CDC73: variants seen among roughly 807,000 people sequenced by gnomAD.
The protein encoded by CDC73 is cell division cycle 73.
A neutral mutation model predicts 83.7 loss-of-function variants in CDC73; 21 were observed. The ratio of observed to expected loss-of-function variants is 0.25; its 90% CI spans 0.18 to 0.36. CDC73 has a LOEUF of 0.36. Among genes scored for constraint, CDC73 ranks in the 10% least tolerant of loss-of-function variants. The pLI is 1.00. For synonymous variants in CDC73, 224 were observed against 212.9 expected (o/e 1.05, Z -0.45); for missense variants, 342 against 653.3 (o/e 0.52, Z 5.19).
At chr1:193,197,085 C>CT (rs1363735934) in intron 10 of CDC73, among the ~76,000 whole-genome samples, 1 of 152,054 alleles carries the variant, frequency 6.6e-6, no homozygotes, top group Non-Finnish European at 1.5e-5. Flanking sequence ...TCATATGTAT[C>CT]TTTATTATGT....
At chr1:193,154,731 G>T (rs1000147035) in intron 10 of CDC73, among the ~76,000 whole-genome samples, 2 of 152,152 alleles carry the variant, frequency 1.3e-5, no homozygotes, top group African/African-American at 4.8e-5. Flanking sequence ...GAAGTTCTCA[G>T]ATAATTATTT....
chr1:193,192,394 G>T (rs1676934055), intron 10 of CDC73, among the ~76,000 whole-genome samples: 1 of 152,190 alleles, frequency 6.6e-6, no homozygotes, highest in Non-Finnish European at 1.5e-5. Context: ...AGTGAGCCGA[G>T]ATCGCGCCAC....
At chr1:193,231,968 G>T (rs985629876) in intron 13 of CDC73, among the ~76,000 whole-genome samples, 3 of 152,064 alleles carry the variant, frequency 2.0e-5, no homozygotes, top group Admixed American at 2.0e-4. Flanking sequence ...GGACTGTTAG[G>T]ATTATGTATA....
Position 193,201,460 on chromosome 1 carries a change from A to C in CDC73, c.973-2335A>C, listed in dbSNP as rs182841785. On this transcript the variant is annotated intron_variant, in intron 10 of 16. Transcript: ENST00000367435. The stretch of plus-strand genomic sequence containing the variant: ...AAGGGTCATCATCATCAGTGATTTT[A>C]GGCTTATTTCCTTGTAGCTAGTGGT... Among the ~76,000 whole-genome samples, 67 of 152,328 alleles carry C rather than the reference A, an allele frequency of 4.4e-4. No individual in the cohort carries two copies. The East Asian group carries it at 0.013, about 28-fold the overall frequency.
chr1:193,131,930 A>T lies in CDC73; in HGVS notation c.307+1687A>T, dbSNP rs556653409. Reference sequence around the variant, plus strand: ...ATCTCATACATTGACCTGAAATTATATATCTGTTTATGTACATAGTGTCTG... The same window carrying T: ...ATCTCATACATTGACCTGAAATTATTTATCTGTTTATGTACATAGTGTCTG... On this transcript the variant is annotated intron_variant, in intron 3 of 16. Coordinates refer to ENST00000367435, the MANE Select transcript of CDC73 (RefSeq NM_024529.5). Among the ~76,000 whole-genome samples the T allele has an allele frequency of 1.0e-3, 155 of 152,332 alleles. No individual in the cohort carries two copies. In the Middle Eastern group the frequency reaches 0.014, roughly 13 times the overall value.
intron 7 of CDC73, among the ~76,000 whole-genome samples, chr1:193,146,055 G>T (rs1675995067): frequency 6.6e-6 from 1 of 152,178 alleles, no homozygotes; most frequent in Admixed American, 6.5e-5. Context: ...GGTGAGAGGG[G>T]TAAGGTGGGA....
chr1:193,181,471 A>G (rs1016983211), intron 10 of CDC73: 1 of 1,614,078 alleles, frequency 6.2e-7, no homozygotes, highest in Non-Finnish European at 8.5e-7. Flanking sequence ...CACTAGAGAA[A>G]GTACTCCAAT....
chr1:193,154,243 A>T (rs1676169271), intron 10 of CDC73, among the ~76,000 whole-genome samples: 1 of 152,056 alleles, frequency 6.6e-6, no homozygotes, highest in African/African-American at 2.4e-5. Flanking sequence ...GTTTTTTGTT[A>T]TTTTTGTGAT....
At chr1:193,201,782 G>C (rs994258966) in intron 10 of CDC73, among the ~76,000 whole-genome samples, 1 of 152,018 alleles carries the variant, frequency 6.6e-6, no homozygotes, top group African/African-American at 2.4e-5. Context: ...CCTTTTGCCT[G>C]ACCCATGTTG....
At chr1:193,122,555 A>G (rs1403889438) in intron 1 of CDC73, 3 of 531,132 alleles carry the variant, frequency 5.6e-6, no homozygotes. Flanking sequence ...AGAAGCCCAA[A>G]GGAAAGGTAC....
At chr1:193,192,270 C>T (rs531268328) in intron 10 of CDC73, among the ~76,000 whole-genome samples, 13 of 152,190 alleles carry the variant, frequency 8.5e-5, no homozygotes, top group African/African-American at 3.1e-4. Context: ...TGGCAAAACC[C>T]CATCTCTACT....
rs555499650 is a variant in CDC73 at position 193,181,480 on chromosome 1, A to G, written c.973-22315A>G. On this transcript the variant is annotated intron_variant, in intron 10 of 16. Transcript: ENST00000367435. ...AAGAAACACTAGAGAAAGTACTCCA[A>G]TAAGATGAGTGCGGAACAGAGACCT... 3.1e-6 allele frequency: 5 copies of G among 1,614,056 alleles called. No homozygotes were observed. In the East Asian group the frequency reaches 8.9e-5, roughly 29 times the overall value.
intron 14 of CDC73, among the ~76,000 whole-genome samples, chr1:193,234,177 A>T (rs59767857): frequency 0.24 from 4,116 of 16,984 alleles, 56 homozygotes; most frequent in Middle Eastern, 0.46. Flanking sequence ...TCTCTCTCTC[A>T]CACACACACA....
chr1:193,163,931 A>G (rs963567037), intron 10 of CDC73, among the ~76,000 whole-genome samples: 1 of 152,092 alleles, frequency 6.6e-6, no homozygotes, highest in South Asian at 2.1e-4. Flanking sequence ...GGTGCCCGCC[A>G]CCACACCCAG....
At chr1:193,158,892 G>A in intron 10 of CDC73, among the ~76,000 whole-genome samples, 1 of 152,008 alleles carries the variant, frequency 6.6e-6, no homozygotes, top group Admixed American at 6.6e-5. Flanking sequence ...CTTGTTACCT[G>A]TTACATGAAC....
At chr1:193,172,374 A>G (rs1357298727) in intron 10 of CDC73, among the ~76,000 whole-genome samples, 1 of 151,942 alleles carries the variant, frequency 6.6e-6, no homozygotes, top group Admixed American at 6.6e-5. Context: ...AAAGATAAGC[A>G]GTTGATTGGT....
At chr1:193,240,524 C>T (rs4379660) in intron 15 of CDC73, among the ~76,000 whole-genome samples, 110,047 of 152,010 alleles carry the variant, frequency 0.72, 40,099 homozygotes, top group South Asian at 0.82. Context: ...GCATCTGTTA[C>T]TCTGTTTTTA....
chr1:193,216,228 C>G (rs1478376159), intron 13 of CDC73, among the ~76,000 whole-genome samples: 1 of 151,962 alleles, frequency 6.6e-6, no homozygotes, highest in Non-Finnish European at 1.5e-5. Context: ...GAGAAAAGAT[C>G]CCAATAAACA....
rs1242516197 is a variant in CDC73 at position 193,233,070 on chromosome 1, A to C, written c.1232A>C (p.Gln411Pro). ...ACTCTAATACAAAGAAGAAAAGACC[A>C]GATGCAACCAGGGGGCACTGCAATT... ...NETLIQRRKD[Q>P]MQPGGTAISV... Residue 411 changes from glutamine (Q) to proline (P), a missense_variant, in exon 14 of 17, where the codon CAG (glutamine) becomes CCG (proline). Coordinates refer to ENST00000367435, the MANE Select transcript of CDC73 (RefSeq NM_024529.5). The C allele has an allele frequency of 1.9e-6, 3 of 1,613,300 alleles. No homozygotes were observed. The highest frequency in any genetic ancestry group is 2.5e-6 in the Non-Finnish European group (3 of 1,179,206).
Sources: allele counts gnomAD v4.1 joint callset (sites outside exome capture counted in the v4.1 genomes callset), GRCh38; gene constraint gnomAD v4.1.1; transcripts MANE v1.5; gene names NCBI Gene and HGNC (gene_info 2026-07-23, HGNC 2026-07-21).